SPARCL1: variants seen among roughly 807,000 people sequenced by gnomAD.
The protein encoded by SPARCL1 is SPARC-like protein 1.
SPARCL1 carries 52 observed loss-of-function variants against 67.1 expected under a neutral mutation model. The ratio of observed to expected loss-of-function variants is 0.78; its 90% CI spans 0.62 to 0.98. The LOEUF is 0.98. Among genes scored for constraint, SPARCL1 ranks in the 50% least tolerant of loss-of-function variants. The pLI, the probability that SPARCL1 is intolerant of heterozygous loss-of-function variation, is 0.00. For synonymous variants in SPARCL1, 226 were observed against 267.8 expected (o/e 0.84, Z 1.52); for missense variants, 717 against 782.4 (o/e 0.92, Z 1.00).
intron 1 of SPARCL1, among the ~76,000 whole-genome samples, chr4:87,521,936 A>G (rs1725834813): frequency 6.6e-6 from 1 of 152,222 alleles, no homozygotes; most frequent in Admixed American, 6.5e-5. Flanking sequence ...AGTAAACAAA[A>G]CAATTATTAT....
intron 7 of SPARCL1, among the ~76,000 whole-genome samples, chr4:87,483,520 T>C (rs1380186404): frequency 1.3e-5 from 2 of 152,238 alleles, no homozygotes; most frequent in African/African-American, 4.8e-5. Flanking sequence ...AAGTCTTTAC[T>C]ATTGTGAACA....
In SPARCL1 at chr4:87,493,947, T is replaced by G; in HGVS notation, c.853A>C (p.Asn285His). Reference protein sequence around the residue: ...EMEEENASNVNKHIQETEWQS... With the variant: ...EMEEENASNVHKHIQETEWQS... Reference sequence around the variant, plus strand: ...CATTCAGTTTCTTGAATGTGCTTATTGACGTTCGATGCATTTTCCTCTTCC... The same window carrying G: ...CATTCAGTTTCTTGAATGTGCTTATGGACGTTCGATGCATTTTCCTCTTCC... The change falls in exon 4 of 11, where the codon AAT becomes CAT. Residue 285 changes from asparagine to histidine, a missense_variant. Transcript: ENST00000282470. The G allele has an allele frequency of 6.2e-7, 1 of 1,614,208 alleles. No homozygotes were observed.
intron 1 of SPARCL1, among the ~76,000 whole-genome samples, chr4:87,510,977 G>C (rs1405142956): frequency 6.6e-6 from 1 of 152,246 alleles, no homozygotes; most frequent in South Asian, 2.1e-4. Flanking sequence ...TCCTGCCTTC[G>C]CTCGCTCAGG....
At chr4:87,507,854 G>A (rs1327177896) in intron 1 of SPARCL1, among the ~76,000 whole-genome samples, 4 of 152,294 alleles carry the variant, frequency 2.6e-5, no homozygotes, top group African/African-American at 4.8e-5. Context: ...CTTGGGGTTC[G>A]ATTAATTTGC....
At chr4:87,501,778 T>C (rs980685501) in intron 1 of SPARCL1, among the ~76,000 whole-genome samples, 5 of 152,104 alleles carry the variant, frequency 3.3e-5, no homozygotes, top group African/African-American at 1.2e-4. Flanking sequence ...CTGGGGAGCA[T>C]TTTATGTGTT....
intron 10 of SPARCL1, among the ~76,000 whole-genome samples, 189 bp downstream of exon 10, chr4:87,479,241 T>C (rs557774022): frequency 2.0e-5 from 3 of 152,186 alleles, no homozygotes; most frequent in Non-Finnish European, 4.4e-5. Context: ...AACAGTGCCA[T>C]AAAGGTAGTA....
chr4:87,474,890 C>T (rs1052945513), intron 10 of SPARCL1, among the ~76,000 whole-genome samples: 23 of 151,818 alleles, frequency 1.5e-4, no homozygotes, highest in African/African-American at 4.8e-4. Context: ...CTACAGGCGC[C>T]CGCCACCACG....
chr4:87,516,759 C>T (rs926592496), intron 1 of SPARCL1, among the ~76,000 whole-genome samples: 6 of 152,282 alleles, frequency 3.9e-5, no homozygotes, highest in African/African-American at 1.4e-4. Flanking sequence ...GTCCATTCCT[C>T]CTTTTCTATA....
At position 87,494,515 on chromosome 4, in the gene SPARCL1, C is replaced by G; in HGVS notation, c.285G>C (p.Leu95=). ...CACTGTCCTCTTGATCCTTCAATCC[C>G]AGCTCTTGGCTAGAACTCTTGCCCT... ...AEQGKSSSQE[L]GLKDQEDSDG... The change falls in exon 4 of 11, where the codon CTG becomes CTC. Residue 95 remains leucine, a synonymous_variant. Transcript: ENST00000282470. The G allele has an allele frequency of 1.2e-6, 2 of 1,614,170 alleles. No homozygotes were observed.
intron 1 of SPARCL1, among the ~76,000 whole-genome samples, chr4:87,504,185 T>TGGG (rs1553970330): frequency 0.06 from 1,089 of 18,282 alleles, no homozygotes; most frequent in Middle Eastern, 0.077. Flanking sequence ...GTGTGTGTGG[T>TGGG]GGGGTGGGGG....
intron 10 of SPARCL1, among the ~76,000 whole-genome samples, chr4:87,476,536 C>A (rs911794226): frequency 9.2e-5 from 14 of 152,088 alleles, no homozygotes; most frequent in Non-Finnish European, 2.1e-4. Flanking sequence ...ACTTTGGTGG[C>A]CCCCCAGTAC....
rs567046389 is a variant in SPARCL1, at chr4:87,488,362, T to A, written c.1531+1911A>T. On this transcript the variant is annotated intron_variant, in intron 7 of 10. Transcript: ENST00000282470. ...TTCTAAGAGGCCCCTCTGCTGCAGG[T>A]CTGCTGGAGTTCACTCAAGGTCCAT... Among the ~76,000 whole-genome samples, 8 of 152,294 alleles carry A rather than the reference T, an allele frequency of 5.3e-5. No homozygotes were observed. The South Asian group carries it at 1.7e-3, about 32-fold the overall frequency.
At chr4:87,483,987 T>A (rs1174631703) in intron 7 of SPARCL1, among the ~76,000 whole-genome samples, 1 of 152,192 alleles carries the variant, frequency 6.6e-6, no homozygotes, top group South Asian at 2.1e-4. Context: ...TATAAGCCCT[T>A]AGTTAGATTG....
rs147785708 is a variant in SPARCL1 at position 87,523,970 on chromosome 4, A to T, written c.-12+5075T>A. 1.4e-4 allele frequency among the ~76,000 whole-genome samples: 22 copies of T among 152,306 alleles called. No homozygotes were observed. The East Asian group carries it at 4.2e-3, about 29-fold the overall frequency. ...TTTTCATAACTACATAGTAAGCACC[A>T]CAAGAGCTCAGCCCCTCTCTAGTTT... On this transcript the variant is annotated intron_variant, in intron 1 of 10. Coordinates refer to ENST00000282470, the MANE Select transcript of SPARCL1 (RefSeq NM_004684.6).
chr4:87,507,389 C>A (rs1227494090), intron 1 of SPARCL1, among the ~76,000 whole-genome samples: 1 of 152,208 alleles, frequency 6.6e-6, no homozygotes, highest in African/African-American at 2.4e-5. Context: ...TTCCCTAAAT[C>A]TAAATGTAGC....
At chr4:87,528,105 G>A (rs1419485650) in intron 1 of SPARCL1, 1 of 152,210 alleles carries the variant, frequency 6.6e-6, no homozygotes, top group Non-Finnish European at 1.5e-5. Context: ...CAGTGCAAAA[G>A]AGATACTCTT....
rs79318880 is a variant in SPARCL1 at position 87,512,405 on chromosome 4, T to C, written c.-11-12820A>G. Among the ~76,000 whole-genome samples, 591 of 152,284 alleles carry C rather than the reference T, an allele frequency of 3.9e-3. 2 individuals carry two copies. The highest frequency in any genetic ancestry group is 0.013 in the African/African-American group (557 of 41,550). ...ACTTCTGGGCTTCATTTCCCTATGA[T>C]GTGGGCCTTAACCTTGTGATTTGCT... On this transcript the variant is annotated intron_variant, in intron 1 of 10. Coordinates refer to ENST00000282470, the MANE Select transcript of SPARCL1 (RefSeq NM_004684.6).
intron 10 of SPARCL1, among the ~76,000 whole-genome samples, chr4:87,474,179 G>A (rs1723466075): frequency 6.6e-6 from 1 of 152,266 alleles, no homozygotes; most frequent in African/African-American, 2.4e-5. Flanking sequence ...ATAAATAGAA[G>A]TGTAGTGCTA....
chr4:87,506,812 TCTATCTATCTATCTAC>T (rs1318712153), intron 1 of SPARCL1, among the ~76,000 whole-genome samples: 198 of 133,914 alleles, frequency 1.5e-3, no homozygotes, highest in African/African-American at 3.8e-3. Context: ...TATCTATCTA[TCTATCTATCTATCTAC>T]CTACCTACCT....
Sources: allele counts gnomAD v4.1 joint callset (sites outside exome capture counted in the v4.1 genomes callset), GRCh38; gene constraint gnomAD v4.1.1; transcripts MANE v1.5; gene names NCBI Gene and HGNC (gene_info 2026-07-23, HGNC 2026-07-21).